PCDHA4: variants seen among roughly 807,000 people sequenced by gnomAD.
The protein encoded by PCDHA4 is protocadherin alpha-4.
PCDHA4 carries 49 observed loss-of-function variants against 61.4 expected under a neutral mutation model. The observed-to-expected ratio is 0.80, with a 90% CI of 0.63 to 1.01. The LOEUF (loss-of-function observed/expected upper bound fraction) is 1.01, where lower values mean the gene tolerates loss of function less well. PCDHA4 is among the 50% of genes least tolerant of loss of function. The pLI is 0.00. For missense variants in PCDHA4, 1,254 were observed against 1,235.8 expected, an observed-to-expected ratio of 1.01 and a Z score of -0.22; for synonymous variants, 590 against 550.3, an observed-to-expected ratio of 1.07 and a Z score of -1.01.
chr5:140,856,440 G>C, intron 1 of PCDHA4: 2 of 1,598,404 alleles, frequency 1.3e-6, no homozygotes, highest in East Asian at 2.2e-5. Context: ...AACCCGCCCA[G>C]GTTCTCCGTA....
chr5:141,003,445 G>A (rs2098125256), intron 3 of PCDHA4, among the ~76,000 whole-genome samples: 1 of 152,112 alleles, frequency 6.6e-6, no homozygotes, highest in African/African-American at 2.4e-5. Flanking sequence ...CCAAGTAGAT[G>A]AAATTACAGG....
chr5:140,812,818 T>C (rs1235510383), intron 1 of PCDHA4: 3 of 152,242 alleles, frequency 2.0e-5, no homozygotes, highest in Non-Finnish European at 4.4e-5. Flanking sequence ...TATTGTGTTG[T>C]GTTTTCATTT....
At position 140,807,655 on chromosome 5, in the gene PCDHA4, C is replaced by A. The variant is rs1554124179; in HGVS notation, c.468C>A (p.Gly156=). 1 of 1,614,184 alleles carries A rather than the reference C, an allele frequency of 6.2e-7. No homozygotes were observed. The highest frequency in any genetic ancestry group is 1.1e-5 in the South Asian group (1 of 91,088). The change falls in exon 1 of 4, where the codon GGC becomes GGA. Residue 156 remains glycine (G), a synonymous_variant. Coordinates refer to ENST00000530339, the MANE Select transcript of PCDHA4 (RefSeq NM_018907.4). ...TTGACTCTCGGTTTCCACTAGAGGG[C>A]GCCTCGGATGCAGATATCGGGGAGA... ...RPLDSRFPLE[G]ASDADIGENA...
At chr5:140,957,855 T>TC (rs1398127159) in intron 1 of PCDHA4, among the ~76,000 whole-genome samples, 1 of 151,980 alleles carries the variant, frequency 6.6e-6, no homozygotes, top group Non-Finnish European at 1.5e-5. Context: ...TTTGTGTATT[T>TC]TTTTTCCTAT....
chr5:140,954,120 C>G (rs246026), intron 1 of PCDHA4, among the ~76,000 whole-genome samples: 85,718 of 152,076 alleles, frequency 0.56, 24,786 homozygotes, highest in African/African-American at 0.69. Flanking sequence ...GATCTTGTTC[C>G]TTTTTATGGA....
At chr5:140,951,487 G>A (rs1563250651) in intron 1 of PCDHA4, among the ~76,000 whole-genome samples, 1 of 151,938 alleles carries the variant, frequency 6.6e-6, no homozygotes, top group Non-Finnish European at 1.5e-5. Flanking sequence ...CAAGAATCAT[G>A]GTGGAAGGCA....
At position 140,979,365 on chromosome 5, in the gene PCDHA4, C is replaced by T. The variant is rs782063202; in HGVS notation, c.2444+358C>T. Among the ~76,000 whole-genome samples, 13 of 151,916 alleles carry T rather than the reference C, an allele frequency of 8.6e-5. 1 individual carries two copies. The highest frequency in any genetic ancestry group is 1.5e-5 in the Non-Finnish European group (1 of 67,992). On this transcript the variant is annotated intron_variant, in intron 2 of 3. Coordinates refer to ENST00000530339, the MANE Select transcript of PCDHA4 (RefSeq NM_018907.4). ...TGTAATTAATACTCATGCTTTGAGA[C>T]TTGGGTACATTGTGCAATGTATACA...
intron 1 of PCDHA4, among the ~76,000 whole-genome samples, chr5:140,902,590 A>G (rs1266008229): frequency 6.6e-6 from 1 of 151,942 alleles, no homozygotes; most frequent in African/African-American, 2.4e-5. Flanking sequence ...TAGTTTTGGG[A>G]AACAGGTCGT....
rs146090059 is a variant in PCDHA4 at position 140,857,944 on chromosome 5, G to A, written c.2385+48372G>A. 6.4e-5 allele frequency: 102 copies of A among 1,597,474 alleles called. 12 individuals are homozygous for A. The highest frequency in any genetic ancestry group is 5.1e-4 in the Admixed American group (30 of 59,248). ...GGCTGTACACGGGCGAGATCAGTAC[G>A]ACGCGCGCTCTGGATGAGACTGACT... On this transcript the variant is annotated intron_variant, in intron 1 of 3. Coordinates refer to ENST00000530339, the MANE Select transcript of PCDHA4 (RefSeq NM_018907.4).
intron 1 of PCDHA4, chr5:140,812,284 GA>G (rs1554125942): frequency 1.3e-5 from 2 of 151,872 alleles, no homozygotes; most frequent in Non-Finnish European, 2.9e-5. Flanking sequence ...CTAGGTTATT[GA>G]ATTTTTTGGT....
At chr5:140,958,913 C>T (rs1367853733) in intron 1 of PCDHA4, among the ~76,000 whole-genome samples, 12 of 151,050 alleles carry the variant, frequency 7.9e-5, no homozygotes, top group Non-Finnish European at 8.8e-5. Context: ...AAAAGTCTGC[C>T]TGGGTGTGGT....
In PCDHA4 at chr5:140,883,707, A is replaced by G. The variant is rs565073045; in HGVS notation, c.2385+74135A>G. 6 of 1,613,636 alleles carry G rather than the reference A, an allele frequency of 3.7e-6. No individual in the cohort carries two copies. Among genetic ancestry groups the G allele is most frequent in the East Asian group, 4.5e-5 (2 of 44,860 alleles). On this transcript the variant is annotated intron_variant, in intron 1 of 3. Transcript: ENST00000530339. ...TGCCACATCTTCACGGTGTCTGCTC[A>G]GGACGCGGACGCACAGGAGAACGCG...
intron 1 of PCDHA4, among the ~76,000 whole-genome samples, chr5:140,978,124 G>A (rs1554239035): frequency 6.6e-6 from 1 of 152,140 alleles, no homozygotes; most frequent in East Asian, 1.9e-4. Context: ...GTCTTTAGGT[G>A]CCCATATTTT....
chr5:140,925,762 T>G (rs1172229426), intron 1 of PCDHA4, among the ~76,000 whole-genome samples: 3 of 152,052 alleles, frequency 2.0e-5, no homozygotes, highest in African/African-American at 7.2e-5. Flanking sequence ...ACAGAGTAGT[T>G]TCCTGGTCAA....
rs2150380151 is a variant in PCDHA4 at position 140,845,602 on chromosome 5, T to C, written c.2385+36030T>C. Among the ~76,000 whole-genome samples, 10 of 149,646 alleles carry C rather than the reference T, an allele frequency of 6.7e-5. 1 individual carries two copies. Among genetic ancestry groups the C allele is most frequent in the African/African-American group, 2.4e-4 (10 of 40,860 alleles). On this transcript the variant is annotated intron_variant, in intron 1 of 3. Coordinates refer to ENST00000530339, the MANE Select transcript of PCDHA4 (RefSeq NM_018907.4). ...TTGAAATGTGTCAGAAGTTAGTTATTAAGTATTGTGGATTCTGAAGCTCTC... is the reference window on the plus strand; with the variant it reads ...TTGAAATGTGTCAGAAGTTAGTTATCAAGTATTGTGGATTCTGAAGCTCTC...
intron 1 of PCDHA4, among the ~76,000 whole-genome samples, chr5:140,826,902 T>C (rs2150145831): frequency 6.6e-6 from 1 of 152,196 alleles, no homozygotes. Flanking sequence ...AAGATAAATA[T>C]GATAGCATGT....
intron 1 of PCDHA4, among the ~76,000 whole-genome samples, chr5:140,887,378 G>C (rs1407679123): frequency 6.6e-6 from 1 of 152,176 alleles, no homozygotes; most frequent in East Asian, 1.9e-4. Flanking sequence ...TTACAGGTGT[G>C]AGCCACCGCG....
intron 1 of PCDHA4, among the ~76,000 whole-genome samples, chr5:140,946,611 A>AATATATATATATATATATATAT (rs1554217734): frequency 0.012 from 1,017 of 86,324 alleles, 26 homozygotes; most frequent in Middle Eastern, 0.016. Flanking sequence ...GAAAATGTGA[A>AATATATATATATATATATATAT]ATATATATAT....
intron 1 of PCDHA4, chr5:140,842,947 G>A: frequency 6.3e-7 from 1 of 1,594,658 alleles, no homozygotes; most frequent in Non-Finnish European, 8.6e-7. Flanking sequence ...ACGCGGGCGT[G>A]CCGCCTCTGG....
Sources: allele counts gnomAD v4.1 joint callset (sites outside exome capture counted in the v4.1 genomes callset), GRCh38; gene constraint gnomAD v4.1.1; transcripts MANE v1.5; gene names NCBI Gene and HGNC (gene_info 2026-07-23, HGNC 2026-07-21).